The following GTF2A1L variants were observed in gnomAD, a reference collection of about 807,000 sequenced individuals.
GTF2A1L encodes TFIIA-alpha and beta-like factor.
In GTF2A1L, 48 loss-of-function variants were observed where a neutral mutation model predicts 49.7. The ratio of observed to expected loss-of-function variants is 0.97; its 90% CI spans 0.77 to 1.23. GTF2A1L has a LOEUF of 1.23. GTF2A1L is among the 50% of genes most tolerant of loss of function. GTF2A1L has a pLI of 0.00. For missense variants in GTF2A1L, 736 were observed against 564.8 expected, an observed-to-expected ratio of 1.30 and a Z score of -3.07; for synonymous variants, 246 against 193.5, an observed-to-expected ratio of 1.27 and a Z score of -2.25.
chr2:48,645,372 A>G (rs1055162757), intron 5 of GTF2A1L, among the ~76,000 whole-genome samples: 1 of 152,092 alleles, frequency 6.6e-6, no homozygotes, highest in African/African-American at 2.4e-5. Context: ...CTTTGTATAT[A>G]TTTTTTCTAA....
chr2:48,646,729 G>T lies in GTF2A1L; in HGVS notation c.665G>T (p.Gly222Val), dbSNP rs769810039. ...ACCAGTGATATACTTGTATCTCCTG[G>T]AAATGAGCATAAAATCGTGCCTGAA... ...NATSDILVSP[G>V]NEHKIVPEAL... The change falls in exon 6 of 9, where the codon GGA becomes GTA. Residue 222 changes from glycine to valine, a missense_variant. Physicochemically the swap from Gly to Val is moderately radical, Grantham distance 109 (BLOSUM62 -3). Transcript: ENST00000403751. The T allele has an allele frequency of 1.2e-6, 2 of 1,614,164 alleles. No individual in the cohort carries two copies. The highest frequency in any genetic ancestry group is 1.1e-5 in the South Asian group (1 of 91,076).
chr2:48,624,899 A>G (rs555747634), intron 3 of GTF2A1L, among the ~76,000 whole-genome samples: 8 of 143,742 alleles, frequency 5.6e-5, no homozygotes, highest in African/African-American at 2.0e-4. Flanking sequence ...AAAAAGCTGA[A>G]TCATATTCCT....
At chr2:48,670,107 T>C in intron 7 of GTF2A1L, 125 bp downstream of exon 7, 1 of 1,381,242 alleles carries the variant, frequency 7.2e-7, no homozygotes, top group Non-Finnish European at 9.5e-7. Flanking sequence ...TAAGACTTAT[T>C]TGGGGCCGGG....
chr2:48,653,920 CAAA>C (rs70946819), intron 6 of GTF2A1L, among the ~76,000 whole-genome samples: 2 of 108,680 alleles, frequency 1.8e-5, no homozygotes, highest in African/African-American at 8.0e-5. Flanking sequence ...GACTGTGTCT[CAAA>C]AAAAAAAAAA....
At chr2:48,634,883 G>A (rs1676797878) in intron 3 of GTF2A1L, among the ~76,000 whole-genome samples, 1 of 152,162 alleles carries the variant, frequency 6.6e-6, no homozygotes, top group South Asian at 2.1e-4. Flanking sequence ...CATGAAGAGT[G>A]GGGCCAGATT....
chr2:48,665,907 T>C (rs1678815411), intron 6 of GTF2A1L, among the ~76,000 whole-genome samples: 1 of 152,162 alleles, frequency 6.6e-6, no homozygotes, highest in African/African-American at 2.4e-5. Context: ...GAATTTTAAG[T>C]CTTCACCTGT....
intron 6 of GTF2A1L, among the ~76,000 whole-genome samples, chr2:48,656,964 T>C (rs1439068833): frequency 6.6e-6 from 1 of 152,222 alleles, no homozygotes; most frequent in Non-Finnish European, 1.5e-5. Flanking sequence ...CATTCCACAT[T>C]GAATGGTCTT....
intron 6 of GTF2A1L, among the ~76,000 whole-genome samples, chr2:48,667,805 G>C (rs1354143375): frequency 6.6e-6 from 1 of 152,122 alleles, no homozygotes; most frequent in Non-Finnish European, 1.5e-5. Context: ...AAGGGCAGTT[G>C]TCCACTCAAA....
chr2:48,630,709 A>G (rs1393950239), intron 3 of GTF2A1L, among the ~76,000 whole-genome samples: 2 of 116,624 alleles, frequency 1.7e-5, no homozygotes, highest in African/African-American at 5.5e-5. Flanking sequence ...AGTTCTTCCA[A>G]TTTTTGCCCA....
chr2:48,664,862 TTCTG>T (rs1341373230), intron 6 of GTF2A1L, among the ~76,000 whole-genome samples: 5 of 152,146 alleles, frequency 3.3e-5, no homozygotes, highest in African/African-American at 7.2e-5. Flanking sequence ...TGCTTGTGTC[TTCTG>T]TCTGTCTCTC....
intron 3 of GTF2A1L, among the ~76,000 whole-genome samples, chr2:48,641,488 A>G (rs2104169878): frequency 6.6e-6 from 1 of 152,288 alleles, no homozygotes; most frequent in South Asian, 2.1e-4. Context: ...GTTTGTGAAA[A>G]ACAGGCCATA....
intron 3 of GTF2A1L, among the ~76,000 whole-genome samples, chr2:48,639,532 A>G (rs1677089941): frequency 6.6e-6 from 1 of 152,136 alleles, no homozygotes; most frequent in Admixed American, 6.6e-5. Context: ...TTCTTACACC[A>G]CATACAAAAA....
intron 8 of GTF2A1L, among the ~76,000 whole-genome samples, chr2:48,672,356 C>T (rs139984587): frequency 5.8e-4 from 89 of 152,240 alleles, no homozygotes; most frequent in African/African-American, 2.1e-3. Context: ...GAATAGGAAG[C>T]AGATTAGAAT....
At chr2:48,633,752 T>C (rs1015103013) in intron 3 of GTF2A1L, among the ~76,000 whole-genome samples, 3 of 152,216 alleles carry the variant, frequency 2.0e-5, no homozygotes, top group Admixed American at 2.0e-4. Context: ...TCCCCCACCA[T>C]TATCGTATGG....
chr2:48,650,266 G>A (rs975375447), intron 6 of GTF2A1L, among the ~76,000 whole-genome samples: 4 of 152,106 alleles, frequency 2.6e-5, no homozygotes, highest in Admixed American at 1.3e-4. Flanking sequence ...ATTTGGCTCA[G>A]TGGTTCTGAA....
intron 6 of GTF2A1L, among the ~76,000 whole-genome samples, chr2:48,647,649 G>T (rs1677602426): frequency 6.6e-6 from 1 of 151,594 alleles, no homozygotes; most frequent in African/African-American, 2.4e-5. Context: ...CCTACATGAG[G>T]GATTATGTTG....
chr2:48,623,239 T>C (rs901613399), intron 3 of GTF2A1L, among the ~76,000 whole-genome samples: 20 of 152,330 alleles, frequency 1.3e-4, no homozygotes, highest in African/African-American at 4.3e-4. Context: ...TTTAAAAGCC[T>C]GATTAAAATA....
intron 6 of GTF2A1L, among the ~76,000 whole-genome samples, chr2:48,650,156 C>G (rs923265962): frequency 1.3e-5 from 2 of 152,166 alleles, no homozygotes; most frequent in African/African-American, 2.4e-5. Flanking sequence ...TTTGCATTGA[C>G]AGTTACATTT....
chr2:48,672,149 G>A (rs1679203786), intron 8 of GTF2A1L, among the ~76,000 whole-genome samples: 1 of 152,232 alleles, frequency 6.6e-6, no homozygotes, highest in South Asian at 2.1e-4. Flanking sequence ...GTGATGTGGG[G>A]TTTTGAAATG....
Sources: allele counts gnomAD v4.1 joint callset (sites outside exome capture counted in the v4.1 genomes callset), GRCh38; gene constraint gnomAD v4.1.1; transcripts MANE v1.5; gene names NCBI Gene and HGNC (gene_info 2026-07-23, HGNC 2026-07-21).